The following DIS3L2 variants were observed in gnomAD, a reference collection of about 807,000 sequenced individuals.
DIS3L2 encodes the protein DIS3-like exonuclease 2.
DIS3L2 carries 34 observed loss-of-function variants against 97.5 expected under a neutral mutation model. The observed-to-expected ratio is 0.35, with a 90% CI of 0.27 to 0.46. DIS3L2 has a LOEUF of 0.46. DIS3L2 is among the 20% of genes least tolerant of loss of function. The pLI is 1.00. For missense variants in DIS3L2, 1,038 were observed against 1,146.0 expected (o/e 0.91, Z 1.36); for synonymous variants, 435 against 445.2 (o/e 0.98, Z 0.29).
intron 1 of DIS3L2, among the ~76,000 whole-genome samples, chr2:231,974,273 C>T (rs1438738678): frequency 6.6e-6 from 1 of 152,072 alleles, no homozygotes; most frequent in Admixed American, 6.6e-5. Context: ...AGCAGAAGGA[C>T]ACCTCCCTAG....
intron 5 of DIS3L2, among the ~76,000 whole-genome samples, chr2:232,052,169 C>T (rs900600218): frequency 6.6e-6 from 1 of 151,952 alleles, no homozygotes; most frequent in African/African-American, 2.4e-5. Flanking sequence ...ATTACAGATG[C>T]CCATCACCAT....
intron 11 of DIS3L2, among the ~76,000 whole-genome samples, chr2:232,241,308 T>A (rs1478220312): frequency 2.0e-5 from 3 of 152,254 alleles, no homozygotes; most frequent in African/African-American, 7.2e-5. Context: ...CAATCATTTC[T>A]CCCAGCTTCA....
At chr2:232,307,023 T>C (rs1695002578) in intron 14 of DIS3L2, among the ~76,000 whole-genome samples, 1 of 152,252 alleles carries the variant, frequency 6.6e-6, no homozygotes, top group African/African-American at 2.4e-5. Context: ...ATTTCTCCTC[T>C]GGGAAGCCAT....
chr2:232,200,932 G>A (rs961695397), intron 9 of DIS3L2, among the ~76,000 whole-genome samples: 2 of 152,026 alleles, frequency 1.3e-5, no homozygotes, highest in African/African-American at 4.8e-5. Context: ...TACAGGTGCC[G>A]ACCACCACGC....
chr2:232,283,628 T>C (rs949797028), intron 13 of DIS3L2, among the ~76,000 whole-genome samples: 1 of 152,234 alleles, frequency 6.6e-6, no homozygotes, highest in African/African-American at 2.4e-5. Flanking sequence ...TGTTGTTTTA[T>C]ATTCTTCTAA....
chr2:232,035,807 T>C (rs1361856880), intron 5 of DIS3L2, among the ~76,000 whole-genome samples: 1 of 152,200 alleles, frequency 6.6e-6, no homozygotes, highest in African/African-American at 2.4e-5. Flanking sequence ...TTCTTTTCTT[T>C]AAGAATGTTG....
intron 11 of DIS3L2, among the ~76,000 whole-genome samples, chr2:232,243,172 A>G (rs1184097193): frequency 6.6e-6 from 1 of 152,194 alleles, no homozygotes; most frequent in Non-Finnish European, 1.5e-5. Flanking sequence ...TCGTGTTTTG[A>G]ACAGTGTTTC....
chr2:232,298,489 C>T (rs1694774675), intron 13 of DIS3L2, among the ~76,000 whole-genome samples: 2 of 152,130 alleles, frequency 1.3e-5, no homozygotes, highest in South Asian at 4.1e-4. Flanking sequence ...AAGTGGTGCT[C>T]TGTAGGGCAA....
chr2:232,211,031 A>G (rs184993114), intron 10 of DIS3L2, among the ~76,000 whole-genome samples: 31 of 152,150 alleles, frequency 2.0e-4, no homozygotes, highest in Admixed American at 1.9e-3. Flanking sequence ...TGGAAATTAT[A>G]GTTGGAGGAA....
At chr2:231,996,745 A>G (rs1194063142) in intron 1 of DIS3L2, among the ~76,000 whole-genome samples, 1 of 152,200 alleles carries the variant, frequency 6.6e-6, no homozygotes, top group Non-Finnish European at 1.5e-5. Context: ...ATCACATCTA[A>G]TATAAAATGG....
chr2:232,311,092 T>G (rs1695116499), intron 14 of DIS3L2, among the ~76,000 whole-genome samples: 1 of 152,218 alleles, frequency 6.6e-6, no homozygotes, highest in African/African-American at 2.4e-5. Context: ...GGACCCTTTG[T>G]AGAAATCACT....
intron 9 of DIS3L2, among the ~76,000 whole-genome samples, chr2:232,184,782 T>C (rs902460941): frequency 6.6e-6 from 1 of 152,364 alleles, no homozygotes; most frequent in South Asian, 2.1e-4. Context: ...GTCAACTCTG[T>C]TGATAATAGG....
chr2:232,084,128 T>C (rs1696499827), intron 5 of DIS3L2, among the ~76,000 whole-genome samples: 1 of 152,230 alleles, frequency 6.6e-6, no homozygotes. Context: ...TATCGGATTC[T>C]TTTTCTGCTG....
chr2:231,972,133 C>T (rs1271265768), intron 1 of DIS3L2, among the ~76,000 whole-genome samples: 4 of 151,322 alleles, frequency 2.6e-5, no homozygotes, highest in South Asian at 4.2e-4. Context: ...TGCAGTGAGC[C>T]GAGATCGCGC....
intron 14 of DIS3L2, among the ~76,000 whole-genome samples, chr2:232,313,087 A>G (rs1390077432): frequency 1.3e-5 from 2 of 152,008 alleles, no homozygotes; most frequent in Middle Eastern, 3.4e-3. Context: ...TTCTCATGCC[A>G]TGTATTTATT....
intron 6 of DIS3L2, among the ~76,000 whole-genome samples, chr2:232,095,366 C>T (rs1696975488): frequency 6.6e-6 from 1 of 152,034 alleles, no homozygotes; most frequent in African/African-American, 2.4e-5. Context: ...AGATGCTATC[C>T]TTTAACCCAT....
intron 5 of DIS3L2, 97 bp from the exon 6 acceptor site, chr2:232,087,390 C>T: frequency 2.3e-6 from 2 of 870,740 alleles, no homozygotes; most frequent in South Asian, 3.6e-5. Context: ...ATACCGTTAG[C>T]TTCTGAATAT....
intron 1 of DIS3L2, among the ~76,000 whole-genome samples, chr2:232,011,493 C>G (rs1162739206): frequency 2.6e-5 from 4 of 151,748 alleles, no homozygotes; most frequent in Admixed American, 6.6e-5. Context: ...GCTGGGAGTA[C>G]AGGCGTGCAC....
chr2:232,144,682 A>G (rs1264455152), intron 8 of DIS3L2, among the ~76,000 whole-genome samples: 4 of 152,126 alleles, frequency 2.6e-5, no homozygotes, highest in African/African-American at 9.7e-5. Flanking sequence ...TTCCACTAAC[A>G]TTCTCTTTCA....
Sources: allele counts gnomAD v4.1 joint callset (sites outside exome capture counted in the v4.1 genomes callset), GRCh38; gene constraint gnomAD v4.1.1; transcripts MANE v1.5; gene names NCBI Gene and HGNC (gene_info 2026-07-23, HGNC 2026-07-21).